The following INO80D variants were observed in gnomAD, a reference collection of about 807,000 sequenced individuals.
INO80D encodes the protein INO80 complex subunit D.
Under a neutral mutation model 87.6 loss-of-function variants are expected in INO80D, and 21 were observed. The observed-to-expected ratio is 0.24, with a 90% CI of 0.17 to 0.35. The LOEUF (loss-of-function observed/expected upper bound fraction) is 0.35. Ranked by LOEUF, INO80D falls within the 10% of genes least tolerant of loss-of-function variation. The pLI, the probability that INO80D is intolerant of heterozygous loss-of-function variation, is 1.00. For missense variants in INO80D, 982 were observed against 1,280.7 expected (o/e 0.77, Z 3.56); for synonymous variants, 440 against 491.0 (o/e 0.90, Z 1.37).
At chr2:206,068,890 G>A (rs769109995) in intron 1 of INO80D, among the ~76,000 whole-genome samples, 5 of 151,778 alleles carry the variant, frequency 3.3e-5, no homozygotes, top group African/African-American at 4.8e-5. Flanking sequence ...TTGTAGAGAC[G>A]AGGTTTCACC....
At chr2:206,043,677 C>T (rs1023609079) in intron 5 of INO80D, among the ~76,000 whole-genome samples, 14 of 151,262 alleles carry the variant, frequency 9.3e-5, no homozygotes, top group Admixed American at 5.9e-4. Flanking sequence ...TTAGTAGAGA[C>T]GGGGTTTCAC....
intron 5 of INO80D, among the ~76,000 whole-genome samples, chr2:206,039,601 G>T (rs559829011): frequency 6.6e-6 from 1 of 151,328 alleles, no homozygotes; most frequent in South Asian, 2.1e-4. Context: ...ACCTGAGGTT[G>T]GGAGTTCGAG....
At chr2:206,036,895 C>T (rs1198598339) in intron 5 of INO80D, among the ~76,000 whole-genome samples, 1 of 152,126 alleles carries the variant, frequency 6.6e-6, no homozygotes, top group Admixed American at 6.5e-5. Context: ...AGTTTGCAGA[C>T]TGACACAGGT....
At chr2:206,051,849 C>CA in intron 4 of INO80D, among the ~76,000 whole-genome samples, 1 of 152,240 alleles carries the variant, frequency 6.6e-6, no homozygotes, top group African/African-American at 2.4e-5. Flanking sequence ...GTGCCTTTTT[C>CA]ACTGTGTTGA....
At chr2:206,044,663 T>C (rs192141717) in intron 5 of INO80D, among the ~76,000 whole-genome samples, 79 of 152,260 alleles carry the variant, frequency 5.2e-4, no homozygotes, top group African/African-American at 1.8e-3. Context: ...TTTTGATAAC[T>C]CTGCAAGAAT....
At chr2:206,082,632 A>G (rs1051018090) in intron 1 of INO80D, among the ~76,000 whole-genome samples, 1 of 152,192 alleles carries the variant, frequency 6.6e-6, no homozygotes, top group African/African-American at 2.4e-5. Flanking sequence ...TCACCTATTC[A>G]ACCATTGTTT....
rs569018710 is a variant in INO80D, at chr2:205,995,213, A to C, written c.*9155T>G. 6.6e-6 allele frequency: 1 copy of C among 152,330 alleles called. No homozygotes were observed. The allele number at this position is 152,330 out of a possible 1,614,324, so 9.4% of individuals were successfully genotyped here. ...ACAGTCTGGTCTGTGGAACATCTCC[A>C]CTTCAGAGAGAGGAAAAATGCACAA... is the stretch of plus-strand genomic sequence containing the variant. On this transcript the variant is annotated 3_prime_UTR_variant, in exon 11 of 11. Coordinates refer to ENST00000403263, the MANE Select transcript of INO80D (RefSeq NM_017759.5).
intron 1 of INO80D, among the ~76,000 whole-genome samples, chr2:206,066,904 A>T (rs1372056731): frequency 6.6e-6 from 1 of 152,034 alleles, no homozygotes; most frequent in Non-Finnish European, 1.5e-5. Context: ...TGGAAAATTA[A>T]ACATACATGT....
intron 6 of INO80D, chr2:206,025,558 T>TATATATATATATATAC (rs1688593424): frequency 8.8e-5 from 11 of 125,238 alleles, no homozygotes; most frequent in Non-Finnish European, 1.9e-4. Flanking sequence ...TATATATATA[T>TATATATATATATATAC]ATATATATAT....
At position 206,003,342 on chromosome 2, in the gene INO80D, T is replaced by C. The variant is rs1687937919; in HGVS notation, c.*1026A>G. On this transcript the variant is annotated 3_prime_UTR_variant, in exon 11 of 11. Transcript: ENST00000403263. ...TTGACAGATCCCATCTTTTCAAATC[T>C]ATCTGACCTATCCTGCTTTTTCACA... 6.6e-6 allele frequency: 1 copy of C among 152,236 alleles called. No individual in the cohort carries two copies. Among genetic ancestry groups the C allele is most frequent in the African/African-American group, 2.4e-5 (1 of 41,454 alleles). 9.4% of individuals were successfully genotyped at this position (152,236 alleles called of 1,614,324 possible).
Position 206,000,337 on chromosome 2 carries a change from T to C in INO80D, c.*4031A>G, listed in dbSNP as rs1687887805. The C allele has an allele frequency of 6.6e-6, 1 of 151,472 alleles. No individual in the cohort carries two copies. The highest frequency in any genetic ancestry group is 1.5e-5 in the Non-Finnish European group (1 of 67,928). The allele number at this position is 151,472 out of a possible 1,614,324, so 9.4% of individuals were successfully genotyped here. On this transcript the variant is annotated 3_prime_UTR_variant, in exon 11 of 11. Transcript: ENST00000403263. ...CTGAACTAACCTGGAGGAGAGGAGA[T>C]TGCCTTACACGTGCACTGCTGACCG...
At chr2:206,033,861 AAAG>A (rs1446165516) in intron 5 of INO80D, among the ~76,000 whole-genome samples, 1 of 152,180 alleles carries the variant, frequency 6.6e-6, no homozygotes, top group African/African-American at 2.4e-5. Context: ...TTAACCAAGA[AAAG>A]AAGAGAGAAA....
chr2:206,082,400 A>G (rs1575902597), intron 1 of INO80D, among the ~76,000 whole-genome samples: 1 of 152,358 alleles, frequency 6.6e-6, no homozygotes, highest in Non-Finnish European at 1.5e-5. Flanking sequence ...GCAAGGAGGG[A>G]AAAGAGGGAG....
intron 1 of INO80D, among the ~76,000 whole-genome samples, chr2:206,066,435 G>A (rs896248790): frequency 6.6e-6 from 1 of 152,088 alleles, no homozygotes; most frequent in African/African-American, 2.4e-5. Context: ...CAAACTAGGT[G>A]TCCCACAACA....
At chr2:206,074,115 A>C (rs112880956) in intron 1 of INO80D, among the ~76,000 whole-genome samples, 4 of 152,346 alleles carry the variant, frequency 2.6e-5, no homozygotes, top group African/African-American at 9.6e-5. Flanking sequence ...TCAGCTGTGG[A>C]GACAACTTGC....
intron 1 of INO80D, among the ~76,000 whole-genome samples, chr2:206,080,775 C>T (rs1420012304): frequency 2.0e-5 from 3 of 151,372 alleles, no homozygotes; most frequent in Admixed American, 6.6e-5. Flanking sequence ...GGTGTGCGGG[C>T]GCCTGTAGTC....
rs1688357067 is a variant in INO80D at position 206,017,737 on chromosome 2, C to T, written c.1485G>A (p.Val495=). ...AKFADGQQCS[V]PVFDITHQTP... ...TCTGATGTGTAATGTCAAAAACTGG[C>T]ACAGAGCACTGCTGTCCATCTGCAA... The change falls in exon 8 of 11, where the codon GTG becomes GTA. Residue 495 remains valine, a synonymous_variant. Coordinates refer to ENST00000403263, the MANE Select transcript of INO80D (RefSeq NM_017759.5). 6.2e-7 allele frequency: 1 copy of T among 1,613,158 alleles called. No individual in the cohort carries two copies. Among genetic ancestry groups the T allele is most frequent in the African/African-American group, 1.3e-5 (1 of 74,910 alleles).
chr2:206,083,249 T>C (rs1253732987), intron 1 of INO80D, among the ~76,000 whole-genome samples: 3 of 152,234 alleles, frequency 2.0e-5, no homozygotes, highest in Admixed American at 6.5e-5. Flanking sequence ...TTTGTACACA[T>C]AGTTTTGGAA....
chr2:206,034,386 T>C (rs949238724), intron 5 of INO80D, among the ~76,000 whole-genome samples: 4 of 152,140 alleles, frequency 2.6e-5, no homozygotes, highest in African/African-American at 9.7e-5. Context: ...ATCAAAAAGA[T>C]AATTCACCAT....
Sources: gnomAD v4.1 joint callset for allele counts (sites outside exome capture counted in the v4.1 genomes callset) on GRCh38, gnomAD v4.1.1 for gene constraint, MANE v1.5 for transcripts, NCBI Gene and HGNC (gene_info 2026-07-23, HGNC 2026-07-21) for gene names.